SPSB1: variants seen among roughly 807,000 people sequenced by gnomAD.
SPSB1 encodes the protein SPRY domain-containing SOCS box protein 1.
Under a neutral mutation model 21.2 loss-of-function variants are expected in SPSB1, and 8 were observed. That is an observed-to-expected ratio of 0.38 (90% confidence interval 0.22 to 0.68). The LOEUF (loss-of-function observed/expected upper bound fraction) is 0.68, where lower values mean the gene tolerates loss of function less well. Ranked by LOEUF, SPSB1 falls within the 30% of genes least tolerant of loss-of-function variation. SPSB1 has a pLI of 0.53. For missense variants in SPSB1, 242 were observed against 377.8 expected (o/e 0.64, Z 2.98); for synonymous variants, 169 against 161.7 (o/e 1.05, Z -0.34).
chr1:9,366,965 C>T (rs146099521), intron 2 of SPSB1, among the ~76,000 whole-genome samples: 64 of 152,322 alleles, frequency 4.2e-4, no homozygotes, highest in African/African-American at 1.4e-3. Flanking sequence ...GCTGGGGGTG[C>T]GTGCCAGGAA....
chr1:9,352,584 C>G (rs770835802), intron 1 of SPSB1, among the ~76,000 whole-genome samples: 2 of 152,144 alleles, frequency 1.3e-5, no homozygotes. Context: ...TCTCCGGTCT[C>G]GCTGAGACAG....
At chr1:9,300,556 G>A (rs1229137330) in intron 1 of SPSB1, among the ~76,000 whole-genome samples, 1 of 152,226 alleles carries the variant, frequency 6.6e-6, no homozygotes, top group Non-Finnish European at 1.5e-5. Context: ...CATTCCTTTT[G>A]AGAGACAGCT....
Position 9,367,435 on chromosome 1 carries a change from T to A in SPSB1, c.695-13T>A. 6.2e-7 allele frequency: 1 copy of A among 1,613,304 alleles called. No individual in the cohort carries two copies. Among genetic ancestry groups the A allele is most frequent in the Non-Finnish European group, 8.5e-7 (1 of 1,179,940 alleles). ...CCAAGCTGCGCTGACCTGCAGTTTC[T>A]CTGTCTCCCCAGCCGAGCCGCTGCC... On this transcript the variant is annotated splice_polypyrimidine_tract_variant and intron_variant, in intron 2 of 2. Transcript: ENST00000328089. This position sits in a 1 kb window ranked among gnomAD's most constrained non-coding sequence, Gnocchi z 5.9.
chr1:9,302,484 T>C (rs909048439), intron 1 of SPSB1, among the ~76,000 whole-genome samples: 1 of 152,176 alleles, frequency 6.6e-6, no homozygotes, highest in African/African-American at 2.4e-5. Flanking sequence ...GCAGGCACCA[T>C]CCAGTCAGCC....
At position 9,293,559 on chromosome 1, in the gene SPSB1, C is replaced by T. The variant is rs950647058; in HGVS notation, c.-150+488C>T. 2.0e-5 allele frequency among the ~76,000 whole-genome samples: 3 copies of T among 152,070 alleles called. No homozygotes were observed. Among genetic ancestry groups the T allele is most frequent in the Non-Finnish European group, 4.4e-5 (3 of 67,978 alleles). The stretch of plus-strand genomic sequence containing the variant: ...CCGGTCCCCCGTCGGGGCGCCCCCA[C>T]CCTCCCGCAGCGCCTCCCCCAGGGA... On this transcript the variant is annotated intron_variant, in intron 1 of 2. Coordinates refer to ENST00000328089, the MANE Select transcript of SPSB1 (RefSeq NM_025106.4). This position sits in a 1 kb window ranked among gnomAD's most constrained non-coding sequence, Gnocchi z 5.1.
At chr1:9,358,723 C>T in intron 2 of SPSB1, among the ~76,000 whole-genome samples, 1 of 152,166 alleles carries the variant, frequency 6.6e-6, no homozygotes, top group East Asian at 1.9e-4. Context: ...GACTGTGGGG[C>T]CCCATGAAGA....
chr1:9,348,723 A>G lies in SPSB1; in HGVS notation c.-149-7020A>G, dbSNP rs567298729. On this transcript the variant is annotated intron_variant, in intron 1 of 2. Transcript: ENST00000328089. This position sits in a 1 kb window ranked among gnomAD's most constrained non-coding sequence, Gnocchi z 4.8. ...TTTTCCTGGACCCAGACAACCTTAAATGGCTGTTCGAAGCTGGCCGAGGGA... is the reference window on the plus strand; with the variant it reads ...TTTTCCTGGACCCAGACAACCTTAAGTGGCTGTTCGAAGCTGGCCGAGGGA... Among the ~76,000 whole-genome samples the G allele has an allele frequency of 5.9e-5, 9 of 151,984 alleles. No individual in the cohort carries two copies. The highest frequency in any genetic ancestry group is 1.9e-4 in the African/African-American group (8 of 41,480).
intron 1 of SPSB1, among the ~76,000 whole-genome samples, chr1:9,338,004 G>T (rs1202291755): frequency 6.6e-6 from 1 of 152,204 alleles, no homozygotes; most frequent in African/African-American, 2.4e-5. Flanking sequence ...CTGAAAAAAG[G>T]CAGGGATGGA....
chr1:9,308,986 C>T (rs1639468858), intron 1 of SPSB1, among the ~76,000 whole-genome samples: 1 of 151,992 alleles, frequency 6.6e-6, no homozygotes, highest in African/African-American at 2.4e-5. Flanking sequence ...GGGCGGGCAC[C>T]AGGCCTGCGT....
chr1:9,332,099 C>G (rs866459578), intron 1 of SPSB1, among the ~76,000 whole-genome samples: 1 of 151,974 alleles, frequency 6.6e-6, no homozygotes, highest in Non-Finnish European at 1.5e-5. Flanking sequence ...CCTATAAATC[C>G]CAGCACTTTG....
intron 1 of SPSB1, among the ~76,000 whole-genome samples, chr1:9,328,169 T>G: frequency 6.6e-6 from 1 of 152,208 alleles, no homozygotes; most frequent in East Asian, 1.9e-4. Flanking sequence ...CAGACGAACG[T>G]GGCTGTGTGG....
chr1:9,320,901 G>A (rs1557451521), intron 1 of SPSB1, among the ~76,000 whole-genome samples: 1 of 151,954 alleles, frequency 6.6e-6, no homozygotes. Context: ...AGGCTGGCCT[G>A]ATGGGGAGGG....
At chr1:9,360,667 C>T (rs919376474) in intron 2 of SPSB1, among the ~76,000 whole-genome samples, 1 of 152,158 alleles carries the variant, frequency 6.6e-6, no homozygotes, top group African/African-American at 2.4e-5. Context: ...CAGGGTGCTC[C>T]ACCTGTGTAT....
intron 1 of SPSB1, among the ~76,000 whole-genome samples, chr1:9,309,301 AGTGT>A (rs35952855): frequency 0.43 from 57,633 of 132,640 alleles, 12,830 homozygotes; most frequent in Non-Finnish European, 0.53. Context: ...AGAGAGAGAG[AGTGT>A]GTGTGTGTGT....
Position 9,324,982 on chromosome 1 carries a change from G to C in SPSB1, c.-149-30761G>C, listed in dbSNP as rs528780899. ...ATCGGAGGCGCCTGTGAGCGGGTCAGTACTGGGTAGGCAGCCCCATTGGGA... is the reference window on the plus strand; with the variant it reads ...ATCGGAGGCGCCTGTGAGCGGGTCACTACTGGGTAGGCAGCCCCATTGGGA... On this transcript the variant is annotated intron_variant, in intron 1 of 2. Coordinates refer to ENST00000328089, the MANE Select transcript of SPSB1 (RefSeq NM_025106.4). The surrounding 1 kb of genome is among the most constrained non-coding windows in gnomAD (Gnocchi z 4.3). 6.6e-6 allele frequency among the ~76,000 whole-genome samples: 1 copy of C among 152,336 alleles called. No individual in the cohort carries two copies. Among genetic ancestry groups the C allele is most frequent in the South Asian group, 2.1e-4 (1 of 4,826 alleles).
chr1:9,367,038 GA>G lies in SPSB1; in HGVS notation c.695-409del, dbSNP rs1557469526. On this transcript the variant is annotated intron_variant, in intron 2 of 2. Transcript: ENST00000328089. This position sits in a 1 kb window ranked among gnomAD's most constrained non-coding sequence, Gnocchi z 5.9. ...TGGCAGCTGCTTGCCTGGACAGGCA[GA>G]GTCACCAGTGGGGAAGAGCAGGGAT... Among the ~76,000 whole-genome samples the G allele has an allele frequency of 3.3e-5, 5 of 152,248 alleles. No homozygotes were observed. The highest frequency in any genetic ancestry group is 9.6e-5 in the African/African-American group (4 of 41,464).
rs1483559226 is a variant in SPSB1, at chr1:9,363,018, G to A, written c.695-4430G>A. Among the ~76,000 whole-genome samples, 2 of 152,344 alleles carry A rather than the reference G, an allele frequency of 1.3e-5. No homozygotes were observed. The highest frequency in any genetic ancestry group is 3.9e-4 in the East Asian group (2 of 5,182). ...CCTGGGTTTGTGGCTGGAGCTGGGT[G>A]CAAAGCTGGCAGCCCCCAGTCAAGA... On this transcript the variant is annotated intron_variant, in intron 2 of 2. Transcript: ENST00000328089. This position sits in a 1 kb window ranked among gnomAD's most constrained non-coding sequence, Gnocchi z 4.5.
At chr1:9,347,729 C>T (rs1004047091) in intron 1 of SPSB1, among the ~76,000 whole-genome samples, 5 of 152,110 alleles carry the variant, frequency 3.3e-5, no homozygotes, top group African/African-American at 1.2e-4. Flanking sequence ...TCTTCATCCT[C>T]ATGTCCCTGT....
At chr1:9,365,730 T>C (rs986158342) in intron 2 of SPSB1, among the ~76,000 whole-genome samples, 1 of 152,238 alleles carries the variant, frequency 6.6e-6, no homozygotes, top group Non-Finnish European at 1.5e-5. Context: ...TAAAGAACTT[T>C]AATCCACTTT....
Sources: gnomAD v4.1 joint callset for allele counts (sites outside exome capture counted in the v4.1 genomes callset) on GRCh38, gnomAD v4.1.1 for gene constraint, Gnocchi (gnomAD v3.1) non-coding constraint, MANE v1.5 for transcripts, NCBI Gene and HGNC (gene_info 2026-07-23, HGNC 2026-07-21) for gene names.